The following ACOT1 variants were observed in gnomAD, a reference collection of about 807,000 sequenced individuals.
ACOT1 encodes acyl-CoA thioesterase 1, also known as acyl-coenzyme A thioesterase 1.
ACOT1 carries 8 observed loss-of-function variants against 15.7 expected under a neutral mutation model. The ratio of observed to expected loss-of-function variants is 0.51; its 90% CI spans 0.30 to 0.92. The LOEUF is 0.92. Among genes scored for constraint, ACOT1 ranks in the 40% least tolerant of loss-of-function variants. The pLI, the probability that ACOT1 is intolerant of heterozygous loss-of-function variation, is 0.06. For synonymous variants in ACOT1, 67 were observed against 241.2 expected (o/e 0.28, Z 6.69); for missense variants, 151 against 539.4 (o/e 0.28, Z 7.13).
At chr14:73,491,287 C>G in the ACOT1 span, 1 of 1,550,620 alleles carries the variant, frequency 6.4e-7, no homozygotes, top group Non-Finnish European at 8.7e-7. Flanking sequence ...CCGTCCCGGA[C>G]GCAGCCCGGC....
the ACOT1 span, among the ~76,000 whole-genome samples, chr14:73,494,844 C>T: frequency 5.3e-5 from 8 of 152,154 alleles, no homozygotes; most frequent in South Asian, 2.1e-4. Flanking sequence ...TCCAGGTGTG[C>T]GCCACCACGC....
the ACOT1 span, chr14:73,500,663 G>T: frequency 1.2e-6 from 2 of 1,614,216 alleles, no homozygotes; most frequent in Non-Finnish European, 1.7e-6. Context: ...GCGGTCATAA[G>T]CTTGAGCTCA....
chr14:73,510,434 T>C, the ACOT1 span, among the ~76,000 whole-genome samples: 1 of 140,636 alleles, frequency 7.1e-6, no homozygotes, highest in Non-Finnish European at 1.6e-5. Flanking sequence ...TTTTTTGTTT[T>C]TGTTTTTGTT....
chr14:73,539,743 G>A lies in ACOT1; in HGVS notation c.458-1750G>A, dbSNP rs1282173650. The A allele has an allele frequency of 2.5e-5, 3 of 118,532 alleles. 1 individual carries two copies. The highest frequency in any genetic ancestry group is 2.8e-5 in the African/African-American group (1 of 36,268). 7.3% of individuals were successfully genotyped at this position (118,532 alleles called of 1,614,324 possible). A position where few individuals can be genotyped will look rare whatever the true frequency, so the allele number is the denominator to read the frequency against. ...GATGCCGTCTGGAAGCTGCCAGCAC[G>A]CGGTCCCTGTCCATCAGCACACGCG... On this transcript the variant is annotated intron_variant, in intron 1 of 2. Transcript: ENST00000311148.
the ACOT1 span, chr14:73,506,442 C>G: frequency 6.4e-7 from 1 of 1,563,208 alleles, no homozygotes; most frequent in Non-Finnish European, 8.8e-7. Flanking sequence ...GGCTTTCTGT[C>G]CTGGAGGCAA....
the ACOT1 span, among the ~76,000 whole-genome samples, chr14:73,506,804 G>GTTTTTTTTTTTTTTGTTTTTTTTT: frequency 7.5e-5 from 6 of 80,522 alleles, no homozygotes; most frequent in African/African-American, 2.9e-4. Flanking sequence ...GACTTTAACT[G>GTTTTTTTTTTTTTTGTTTTTTTTT]TTTTTTTTTT....
chr14:73,508,457 G>T, the ACOT1 span, among the ~76,000 whole-genome samples: 4 of 152,022 alleles, frequency 2.6e-5, no homozygotes, highest in Non-Finnish European at 5.9e-5. Flanking sequence ...ATATTGAGAA[G>T]AATCATATTG....
the ACOT1 span, chr14:73,522,224 G>A: frequency 7.0e-6 from 11 of 1,564,206 alleles, no homozygotes; most frequent in Non-Finnish European, 8.7e-6. Context: ...GTCCCTAAAG[G>A]GGAGTCAGGG....
the ACOT1 span, among the ~76,000 whole-genome samples, chr14:73,499,760 T>C: frequency 4.9e-3 from 744 of 152,252 alleles, 9 homozygotes; most frequent in African/African-American, 0.017. Flanking sequence ...GAGTTGATCC[T>C]AAAGCCCATC....
the ACOT1 span, chr14:73,498,258 G>C: frequency 2.5e-6 from 4 of 1,614,140 alleles, no homozygotes; most frequent in Non-Finnish European, 3.4e-6. Context: ...CAAGCTTCCA[G>C]CCGTACACCT....
chr14:73,524,748 G>T, the ACOT1 span, among the ~76,000 whole-genome samples: 1 of 151,192 alleles, frequency 6.6e-6, no homozygotes, highest in African/African-American at 2.4e-5. Flanking sequence ...CACTCACTTT[G>T]TTGGCCTTGC....
chr14:73,491,641 G>A, the ACOT1 span: 1 of 1,549,880 alleles, frequency 6.5e-7, no homozygotes, highest in Non-Finnish European at 8.7e-7. Context: ...TCTTTGAGTG[G>A]CTCATCGCGC....
rs1257472315 is a variant in ACOT1, at chr14:73,538,796, C to T, written c.457+918C>T. On this transcript the variant is annotated intron_variant, in intron 1 of 2. Coordinates refer to ENST00000311148, the MANE Select transcript of ACOT1 (RefSeq NM_001037161.2). The stretch of plus-strand genomic sequence containing the variant: ...CAGCCTGGCCAACATGGTGAAACCC[C>T]GTCTCTACTAAAAATACAAAAATTA... Among the ~76,000 whole-genome samples, 7 of 112,160 alleles carry T rather than the reference C, an allele frequency of 6.2e-5. 2 individuals are homozygous for T. The highest frequency in any genetic ancestry group is 2.0e-4 in the African/African-American group (7 of 34,356). 73.6% of individuals were successfully genotyped at this position (112,160 alleles called of 152,430 possible).
At chr14:73,506,825 T>TTTTTTTTTTC in the ACOT1 span, among the ~76,000 whole-genome samples, 1 of 126,132 alleles carries the variant, frequency 7.9e-6, no homozygotes, top group African/African-American at 3.3e-5. Flanking sequence ...TTTTTTTTTT[T>TTTTTTTTTTC]CTGAGAAGGT....
At chr14:73,493,652 A>G in the ACOT1 span, among the ~76,000 whole-genome samples, 1 of 152,168 alleles carries the variant, frequency 6.6e-6, no homozygotes, top group African/African-American at 2.4e-5. Context: ...AGCCTGGCCA[A>G]CATGGCAAAA....
chr14:73,524,310 A>AAAAAAAAAAAAAATATATATATATAT, the ACOT1 span, among the ~76,000 whole-genome samples: 1 of 54,774 alleles, frequency 1.8e-5, no homozygotes, highest in African/African-American at 8.8e-5. Context: ...AAAAAAAAAA[A>AAAAAAAAAAAAAATATATATATATAT]ATATATATAT....
At position 73,537,593 on chromosome 14, in the gene ACOT1, G is replaced by T. The variant is rs1194934092; in HGVS notation, c.172G>T (p.Gly58Cys). The part of the protein sequence containing the change: ...AHARYRADTL[G>C]ELDLERAPAL... ...CGCGCGCTACCGCGCCGACACCCTT[G>T]GCGAGCTGGACCTGGAGCGCGCGCC... The change falls in exon 1 of 3, where the codon GGC becomes TGC. Residue 58 changes from glycine (G) to cysteine (C), a missense_variant. Transcript: ENST00000311148. The T allele has an allele frequency of 1.6e-6, 2 of 1,223,584 alleles. 1 individual carries two copies. The allele number at this position is 1,223,584 out of a possible 1,614,324, so 75.8% of individuals were successfully genotyped here.
chr14:73,522,039 G>T, the ACOT1 span, among the ~76,000 whole-genome samples: 1 of 152,218 alleles, frequency 6.6e-6, no homozygotes, highest in Non-Finnish European at 1.5e-5. Flanking sequence ...GATGCTGCTT[G>T]CATCCCATAA....
chr14:73,499,727 T>C, the ACOT1 span, among the ~76,000 whole-genome samples: 1 of 152,068 alleles, frequency 6.6e-6, no homozygotes, highest in Non-Finnish European at 1.5e-5. Flanking sequence ...TCCCTAATAA[T>C]GGAATTATAA....
Sources: allele counts gnomAD v4.1 joint callset (sites outside exome capture counted in the v4.1 genomes callset), GRCh38; gene constraint gnomAD v4.1.1; transcripts MANE v1.5; gene names NCBI Gene and HGNC (gene_info 2026-07-23, HGNC 2026-07-21).